Variants in CA10 observed in about 807,000 individuals in gnomAD.
CA10 encodes the protein carbonic anhydrase-related protein 10.
A neutral mutation model predicts 44.2 loss-of-function variants in CA10; 14 were observed. The ratio of observed to expected loss-of-function variants is 0.32; its 90% CI spans 0.21 to 0.50. The LOEUF is 0.50. CA10 is among the 20% of genes least tolerant of loss of function. The pLI is 0.99. For missense variants in CA10, 350 were observed against 409.7 expected (o/e 0.85, Z 1.26); for synonymous variants, 159 against 141.6 (o/e 1.12, Z -0.87).
chr17:51,987,030 A>G (rs11657370), intron 2 of CA10, among the ~76,000 whole-genome samples: 17,773 of 152,104 alleles, frequency 0.12, 1,088 homozygotes, highest in South Asian at 0.18. Context: ...AAAAAAAGTC[A>G]TTATATGAAA....
intron 3 of CA10, among the ~76,000 whole-genome samples, chr17:51,810,556 A>T (rs1907320337): frequency 6.6e-6 from 1 of 152,172 alleles, no homozygotes; most frequent in Admixed American, 6.5e-5. Context: ...TATGCAGAGG[A>T]GCTGGGAAGT....
At chr17:52,082,990 T>A (rs1988023066) in intron 1 of CA10, among the ~76,000 whole-genome samples, 1 of 152,152 alleles carries the variant, frequency 6.6e-6, no homozygotes, top group African/African-American at 2.4e-5. Flanking sequence ...AAACTTCAGA[T>A]CCCAAGAGTA....
intron 3 of CA10, among the ~76,000 whole-genome samples, chr17:51,804,189 C>T (rs1040830270): frequency 6.6e-6 from 1 of 152,192 alleles, no homozygotes; most frequent in Admixed American, 6.5e-5. Flanking sequence ...TTATCTCCTT[C>T]AATGTCAAGC....
chr17:52,088,277 C>A (rs549357855), intron 1 of CA10, among the ~76,000 whole-genome samples: 2 of 152,266 alleles, frequency 1.3e-5, no homozygotes, highest in African/African-American at 4.8e-5. Context: ...GTCAGCTAAA[C>A]AGAACATCTG....
intron 4 of CA10, among the ~76,000 whole-genome samples, chr17:51,671,943 A>G (rs920496890): frequency 2.0e-5 from 3 of 152,148 alleles, no homozygotes; most frequent in African/African-American, 4.8e-5. Context: ...CAGTTCCTCC[A>G]TAGCCTGTAA....
intron 1 of CA10, among the ~76,000 whole-genome samples, chr17:52,086,175 A>G (rs546782670): frequency 6.6e-6 from 1 of 152,358 alleles, no homozygotes; most frequent in African/African-American, 2.4e-5. Context: ...TCTAGGCTAA[A>G]GTGTATGCAA....
intron 1 of CA10, among the ~76,000 whole-genome samples, chr17:52,150,188 A>G (rs1210245476): frequency 2.0e-5 from 3 of 152,112 alleles, no homozygotes; most frequent in Non-Finnish European, 4.4e-5. Flanking sequence ...CTCTTGGTTA[A>G]GTAGCCAAAA....
At chr17:51,770,151 G>A (rs1203395458) in intron 3 of CA10, among the ~76,000 whole-genome samples, 1 of 150,028 alleles carries the variant, frequency 6.7e-6, no homozygotes, top group African/African-American at 2.5e-5. Context: ...AGCTATTTGG[G>A]TGTGCCTGTC....
At chr17:51,659,362 TC>T (rs1913916401) in intron 4 of CA10, among the ~76,000 whole-genome samples, 1 of 152,182 alleles carries the variant, frequency 6.6e-6, no homozygotes, top group Non-Finnish European at 1.5e-5. Flanking sequence ...GATTACACCA[TC>T]AGCACCTCCT....
intron 3 of CA10, among the ~76,000 whole-genome samples, chr17:51,884,039 A>G (rs1034394805): frequency 6.6e-6 from 1 of 152,074 alleles, no homozygotes; most frequent in African/African-American, 2.4e-5. Context: ...GTCATCCTTG[A>G]CCCTTCTTTT....
At chr17:51,811,140 G>T (rs950895100) in intron 3 of CA10, among the ~76,000 whole-genome samples, 2 of 150,196 alleles carry the variant, frequency 1.3e-5, no homozygotes, top group South Asian at 4.2e-4. Flanking sequence ...AGGTTGCAGT[G>T]AGCCAAGGTT....
chr17:51,990,189 G>A (rs1407886733), intron 2 of CA10, among the ~76,000 whole-genome samples: 1 of 152,008 alleles, frequency 6.6e-6, no homozygotes, highest in African/African-American at 2.4e-5. Context: ...AAGGGAGGGA[G>A]GGATGGCTTC....
chr17:51,908,920 C>A (rs990474345), intron 3 of CA10, among the ~76,000 whole-genome samples: 1 of 152,068 alleles, frequency 6.6e-6, no homozygotes, highest in African/African-American at 2.4e-5. Flanking sequence ...AATCTGATAT[C>A]GACACAAAGA....
chr17:51,886,379 A>T (rs1216393044), intron 3 of CA10, among the ~76,000 whole-genome samples: 1 of 152,210 alleles, frequency 6.6e-6, no homozygotes, highest in Non-Finnish European at 1.5e-5. Context: ...TCTTAGAGTC[A>T]TTCTGTTAGA....
At chr17:51,665,698 G>T (rs894195469) in intron 4 of CA10, among the ~76,000 whole-genome samples, 1 of 152,132 alleles carries the variant, frequency 6.6e-6, no homozygotes, top group Admixed American at 6.5e-5. Context: ...AATACCATAG[G>T]CAATTGTATT....
At chr17:51,791,534 AT>A (rs1906519217) in intron 3 of CA10, among the ~76,000 whole-genome samples, 2 of 152,126 alleles carry the variant, frequency 1.3e-5, no homozygotes, top group Non-Finnish European at 2.9e-5. Context: ...TATCAACATA[AT>A]TTTTTTGGAT....
At position 52,135,828 on chromosome 17, in the gene CA10, AC is replaced by A. The variant is rs541340510; in HGVS notation, c.61+21897del. 1.9e-4 allele frequency among the ~76,000 whole-genome samples: 29 copies of A among 151,998 alleles called. No individual in the cohort carries two copies. In the East Asian group the frequency reaches 5.4e-3, roughly 28 times the overall value. ...TAAAGCATAACTACGATCATGTGAA[AC>A]CCCCACCCTAAGGCCCTCTCCTGGC... On this transcript the variant is annotated intron_variant, in intron 1 of 8. Transcript: ENST00000451037.
In CA10 at chr17:52,099,256, T is replaced by C. The variant is rs747127211; in HGVS notation, c.62-26863A>G. Among the ~76,000 whole-genome samples the C allele has an allele frequency of 6.6e-5, 10 of 152,306 alleles. 1 individual carries two copies. In the Middle Eastern group the frequency reaches 0.01, roughly 155 times the overall value. On this transcript the variant is annotated intron_variant, in intron 1 of 8. Transcript: ENST00000451037. ...AGACTGGGAAGGTCAGTAAACTGCC[T>C]GGAGCATAATGAATGGGGGTTGGGA...
intron 4 of CA10, among the ~76,000 whole-genome samples, chr17:51,673,833 C>T (rs915918800): frequency 2.0e-5 from 3 of 152,230 alleles, no homozygotes; most frequent in Admixed American, 1.3e-4. Context: ...CCTGAAAGGC[C>T]CACCATGACC....
Sources: allele counts gnomAD v4.1 joint callset (sites outside exome capture counted in the v4.1 genomes callset), GRCh38; gene constraint gnomAD v4.1.1; transcripts MANE v1.5; gene names NCBI Gene and HGNC (gene_info 2026-07-23, HGNC 2026-07-21).